The following PDE4D variants were observed in gnomAD, a reference collection of about 807,000 sequenced individuals.
PDE4D encodes 3',5'-cyclic-AMP phosphodiesterase 4D.
A neutral mutation model predicts 87.4 loss-of-function variants in PDE4D; 24 were observed. The observed-to-expected ratio is 0.27, with a 90% CI of 0.20 to 0.39. PDE4D has a LOEUF of 0.39. Ranked by LOEUF, PDE4D falls within the 10% of genes least tolerant of loss-of-function variation. PDE4D has a pLI of 1.00. For missense variants in PDE4D, 714 were observed against 1,041.0 expected, an observed-to-expected ratio of 0.69 and a Z score of 4.32; for synonymous variants, 384 against 383.2, an observed-to-expected ratio of 1.00 and a Z score of -0.02.
At chr5:59,939,667 T>G (rs1756975178) in intron 3 of PDE4D, among the ~76,000 whole-genome samples, 1 of 150,578 alleles carries the variant, frequency 6.6e-6, no homozygotes. Flanking sequence ...AGGAGAAGAG[T>G]ATTTCAGGTA....
chr5:59,035,060 G>A (rs1387791738), intron 6 of PDE4D, among the ~76,000 whole-genome samples: 2 of 152,180 alleles, frequency 1.3e-5, no homozygotes, highest in African/African-American at 2.4e-5. Flanking sequence ...GGCCCAGGCC[G>A]CTGTCCTGCT....
intron 1 of PDE4D, among the ~76,000 whole-genome samples, chr5:59,578,043 A>G (rs1478380549): frequency 6.6e-6 from 1 of 152,136 alleles, no homozygotes; most frequent in African/African-American, 2.4e-5. Context: ...AATTTTTGTA[A>G]AAGCAGGTTA....
chr5:60,160,446 G>C (rs925014159), intron 2 of PDE4D, among the ~76,000 whole-genome samples: 1 of 152,026 alleles, frequency 6.6e-6, no homozygotes, highest in Non-Finnish European at 1.5e-5. Flanking sequence ...CAAATATAGA[G>C]CTCTGTGGAT....
chr5:59,923,899 T>G (rs990614043), intron 3 of PDE4D, among the ~76,000 whole-genome samples: 3 of 152,144 alleles, frequency 2.0e-5, no homozygotes, highest in African/African-American at 7.2e-5. Flanking sequence ...AAGGCTCCAG[T>G]GACCAATCCT....
chr5:59,051,198 C>G (rs571203296), intron 5 of PDE4D, among the ~76,000 whole-genome samples: 3 of 152,154 alleles, frequency 2.0e-5, no homozygotes, highest in African/African-American at 7.2e-5. Context: ...ATGGCAAAAC[C>G]GCATCTCTAC....
At chr5:59,039,900 C>T (rs931870553) in intron 5 of PDE4D, 1 of 152,398 alleles carries the variant, frequency 6.6e-6, no homozygotes, top group Non-Finnish European at 1.5e-5. Flanking sequence ...CGTCCGGGGT[C>T]GCGCCCGCCG....
intron 1 of PDE4D, among the ~76,000 whole-genome samples, chr5:59,851,700 A>G (rs965045246): frequency 3.9e-5 from 6 of 152,066 alleles, no homozygotes; most frequent in African/African-American, 1.4e-4. Context: ...GGTCAAATGA[A>G]GTCAGAGAAC....
intron 1 of PDE4D, among the ~76,000 whole-genome samples, chr5:59,489,095 G>A (rs1358004278): frequency 6.6e-6 from 1 of 151,862 alleles, no homozygotes; most frequent in Non-Finnish European, 1.5e-5. Flanking sequence ...GACCATCCTG[G>A]ACAATATGGT....
intron 5 of PDE4D, among the ~76,000 whole-genome samples, chr5:59,088,166 C>T (rs1487933888): frequency 4.6e-5 from 7 of 152,178 alleles, no homozygotes; most frequent in African/African-American, 1.4e-4. Flanking sequence ...CTAATAACCA[C>T]TTATCTGTTA....
At chr5:59,487,503 T>A (rs1301214026) in intron 1 of PDE4D, among the ~76,000 whole-genome samples, 1 of 152,168 alleles carries the variant, frequency 6.6e-6, no homozygotes, top group Non-Finnish European at 1.5e-5. Flanking sequence ...TAAATTCAGC[T>A]TCCTCATGGG....
chr5:59,489,885 T>C (rs1327807872), intron 1 of PDE4D, among the ~76,000 whole-genome samples: 2 of 152,188 alleles, frequency 1.3e-5, no homozygotes, highest in Non-Finnish European at 2.9e-5. Context: ...CTCCATGCCG[T>C]TGTTTTCTTA....
intron 1 of PDE4D, among the ~76,000 whole-genome samples, chr5:59,725,909 A>C (rs1431182043): frequency 1.3e-5 from 2 of 152,064 alleles, no homozygotes; most frequent in African/African-American, 4.8e-5. Flanking sequence ...GTCTCTAAAC[A>C]ATTATGTGAC....
upstream of PDE4D, among the ~76,000 whole-genome samples, chr5:59,894,834 C>T (rs1356295497): frequency 6.6e-6 from 1 of 152,166 alleles, no homozygotes; most frequent in Non-Finnish European, 1.5e-5. Context: ...CATTTTCCTG[C>T]AGTGTCAAAT....
intron 1 of PDE4D, among the ~76,000 whole-genome samples, chr5:60,422,814 G>A (rs1479192829): frequency 6.6e-6 from 1 of 152,172 alleles, no homozygotes; most frequent in East Asian, 1.9e-4. Context: ...CACATGCAGA[G>A]AAACATATAG....
intron 1 of PDE4D, among the ~76,000 whole-genome samples, chr5:60,288,049 A>G (rs1203112571): frequency 1.3e-5 from 2 of 152,226 alleles, no homozygotes; most frequent in Non-Finnish European, 2.9e-5. Context: ...TGATTGAAAG[A>G]TTCCAATGTA....
intron 2 of PDE4D, among the ~76,000 whole-genome samples, chr5:60,134,466 C>G (rs1447308261): frequency 1.3e-5 from 2 of 152,190 alleles, no homozygotes; most frequent in Non-Finnish European, 2.9e-5. Flanking sequence ...AATCACACCA[C>G]TACAGTCCAG....
chr5:58,990,474 T>C (rs1398559450), intron 9 of PDE4D, among the ~76,000 whole-genome samples: 3 of 152,188 alleles, frequency 2.0e-5, no homozygotes, highest in African/African-American at 7.2e-5. Context: ...ATTCATTTTT[T>C]TTAAGTTAGT....
chr5:59,395,396 G>A (rs1036896306), intron 1 of PDE4D, among the ~76,000 whole-genome samples: 14 of 152,202 alleles, frequency 9.2e-5, no homozygotes, highest in Non-Finnish European at 1.8e-4. Flanking sequence ...TCTGAGAACT[G>A]GCAGACTGCC....
intron 1 of PDE4D, among the ~76,000 whole-genome samples, chr5:59,443,778 C>G (rs888409386): frequency 6.6e-6 from 1 of 152,074 alleles, no homozygotes; most frequent in African/African-American, 2.4e-5. Context: ...TATATTTTTG[C>G]TGTCATACAG....
Sources: gnomAD v4.1 joint callset for allele counts (sites outside exome capture counted in the v4.1 genomes callset) on GRCh38, gnomAD v4.1.1 for gene constraint, MANE v1.5 for transcripts, NCBI Gene and HGNC (gene_info 2026-07-23, HGNC 2026-07-21) for gene names.